ARL3: variants seen among roughly 807,000 people sequenced by gnomAD.
ARL3 encodes ADP-ribosylation factor-like protein 3.
In ARL3, 9 loss-of-function variants were observed where a neutral mutation model predicts 26.0. The observed-to-expected ratio is 0.35, with a 90% confidence interval of 0.21 to 0.60. The LOEUF is 0.60. ARL3 is among the 20% of genes least tolerant of loss of function. The pLI is 0.78. For synonymous variants in ARL3, 71 were observed against 78.4 expected, an observed-to-expected ratio of 0.91 and a Z score of 0.50; for missense variants, 158 against 215.7, an observed-to-expected ratio of 0.73 and a Z score of 1.67.
intron 1 of ARL3, among the ~76,000 whole-genome samples, chr10:102,714,051 G>C (rs527307397): frequency 1.3e-4 from 20 of 152,312 alleles, no homozygotes; most frequent in Admixed American, 1.2e-3. Context: ...CCCAAGCCTC[G>C]GACCCGCTGC....
chr10:102,709,646 C>T (rs1564734489), intron 1 of ARL3, among the ~76,000 whole-genome samples: 1 of 85,246 alleles, frequency 1.2e-5, no homozygotes, highest in Non-Finnish European at 2.2e-5. Flanking sequence ...GACTCTGTCT[C>T]AAAAAAAAAA....
chr10:102,711,715 C>T (rs981259512), intron 1 of ARL3, among the ~76,000 whole-genome samples: 2 of 151,798 alleles, frequency 1.3e-5, no homozygotes, highest in Non-Finnish European at 2.9e-5. Flanking sequence ...GGAGATCGCG[C>T]CACTGCACTC....
chr10:102,687,628 C>T (rs1223659288), intron 4 of ARL3, among the ~76,000 whole-genome samples: 1 of 151,964 alleles, frequency 6.6e-6, no homozygotes, highest in Middle Eastern at 3.2e-3. Context: ...GCAAAGGTTG[C>T]AGTGAGCTAA....
chr10:102,681,424 A>G (rs1322868460), intron 5 of ARL3, among the ~76,000 whole-genome samples: 1 of 151,250 alleles, frequency 6.6e-6, no homozygotes, highest in Non-Finnish European at 1.5e-5. Flanking sequence ...ATTCTGTGGC[A>G]TATTAGGGAC....
At position 102,676,114 on chromosome 10, in the gene ARL3, G is replaced by A. The variant is rs1243961674; in HGVS notation, c.*780C>T. The A allele has an allele frequency of 6.7e-6, 1 of 150,356 alleles. No homozygotes were observed. The highest frequency in any genetic ancestry group is 1.5e-5 in the Non-Finnish European group (1 of 67,590). 9.3% of individuals were successfully genotyped at this position (150,356 alleles called of 1,614,324 possible). A position where few individuals can be genotyped will look rare whatever the true frequency, so the allele number is the denominator to read the frequency against. On this transcript the variant is annotated 3_prime_UTR_variant, in exon 6 of 6. Transcript: ENST00000260746. ...TTTTTAAGGACCTTGTAATTTTTCTGGAATTAAACCTCCCACCTCTCCTTA... is the reference window on the plus strand; with the variant it reads ...TTTTTAAGGACCTTGTAATTTTTCTAGAATTAAACCTCCCACCTCTCCTTA...
intron 4 of ARL3, among the ~76,000 whole-genome samples, chr10:102,687,977 CA>C (rs1354891528): frequency 6.6e-6 from 1 of 152,056 alleles, no homozygotes; most frequent in Non-Finnish European, 1.5e-5. Context: ...CTGAAAATGA[CA>C]ATTACTTTAG....
chr10:102,680,683 C>T (rs988251139), intron 5 of ARL3, among the ~76,000 whole-genome samples: 2 of 152,060 alleles, frequency 1.3e-5, no homozygotes, highest in Admixed American at 6.6e-5. Context: ...CATCACTGCT[C>T]GGTAGCTGGA....
intron 5 of ARL3, among the ~76,000 whole-genome samples, chr10:102,677,930 T>C (rs760542280): frequency 1.3e-5 from 2 of 152,130 alleles, no homozygotes; most frequent in Admixed American, 6.6e-5. Context: ...GCCATGGATC[T>C]AGCTGCCGAA....
intron 5 of ARL3, among the ~76,000 whole-genome samples, chr10:102,681,279 C>G (rs2064154781): frequency 6.6e-6 from 1 of 151,604 alleles, no homozygotes; most frequent in African/African-American, 2.4e-5. Flanking sequence ...GTAATCCCAG[C>G]TACTCGGGAG....
At chr10:102,708,908 A>ATATATATATATATATATATAT in intron 1 of ARL3, among the ~76,000 whole-genome samples, 1 of 95,326 alleles carries the variant, frequency 1.0e-5, no homozygotes, top group African/African-American at 4.2e-5. Flanking sequence ...ATATATATAT[A>ATATATATATATATATATATAT]TTTTTTTTTT....
intron 4 of ARL3, among the ~76,000 whole-genome samples, chr10:102,689,320 C>T (rs1035517696): frequency 2.6e-5 from 4 of 151,930 alleles, no homozygotes; most frequent in South Asian, 2.1e-4. Flanking sequence ...AGTGAAACTC[C>T]GTTTTGGAGG....
intron 3 of ARL3, among the ~76,000 whole-genome samples, chr10:102,691,361 G>A (rs2064216405): frequency 1.4e-5 from 2 of 145,172 alleles, no homozygotes; most frequent in Non-Finnish European, 3.0e-5. Flanking sequence ...CTATGAGTGA[G>A]AATATGCGGT....
rs559827065 is a variant in ARL3, at chr10:102,705,226, T to C, written c.147+120A>G. On this transcript the variant is annotated intron_variant, in intron 2 of 5. Transcript: ENST00000260746. ...GAAATCTGGTTATCTTTAGATTGTA[T>C]AGACTTTTCTCAGAGACAAAACTTG... 1.2e-4 allele frequency: 153 copies of C among 1,245,176 alleles called. No individual in the cohort carries two copies. In the African/African-American group the frequency reaches 2.1e-3, roughly 17 times the overall value. 77.1% of individuals were successfully genotyped at this position (1,245,176 alleles called of 1,614,324 possible). A position where few individuals can be genotyped will look rare whatever the true frequency, so the allele number is the denominator to read the frequency against.
chr10:102,691,563 G>A (rs1341583120), intron 3 of ARL3, among the ~76,000 whole-genome samples: 1 of 152,082 alleles, frequency 6.6e-6, no homozygotes, highest in Non-Finnish European at 1.5e-5. Context: ...CACATGTTGT[G>A]AAACATTATT....
chr10:102,711,428 A>G (rs1045201622), intron 1 of ARL3, among the ~76,000 whole-genome samples: 1 of 151,806 alleles, frequency 6.6e-6, no homozygotes, highest in Non-Finnish European at 1.5e-5. Context: ...ATATATGTAT[A>G]TACATAACAC....
At chr10:102,708,906 A>ATTTTTT (rs1442987501) in intron 1 of ARL3, among the ~76,000 whole-genome samples, 6 of 100,184 alleles carry the variant, frequency 6.0e-5, no homozygotes, top group African/African-American at 1.9e-4. Flanking sequence ...ATATATATAT[A>ATTTTTT]TATTTTTTTT....
chr10:102,690,895 T>C (rs1349619504), intron 3 of ARL3, among the ~76,000 whole-genome samples: 1 of 151,324 alleles, frequency 6.6e-6, no homozygotes, highest in Non-Finnish European at 1.5e-5. Context: ...TCTTTTTTTT[T>C]TTTTTTTTTG....
intron 1 of ARL3, among the ~76,000 whole-genome samples, chr10:102,711,076 G>A (rs2064336363): frequency 6.6e-6 from 1 of 152,160 alleles, no homozygotes; most frequent in Non-Finnish European, 1.5e-5. Flanking sequence ...AAATATAACT[G>A]ACTTCCATTT....
At chr10:102,710,799 A>G (rs2064334545) in intron 1 of ARL3, among the ~76,000 whole-genome samples, 1 of 152,254 alleles carries the variant, frequency 6.6e-6, no homozygotes, top group Admixed American at 6.5e-5. Context: ...ACATTTAAAC[A>G]AACTTTTCTA....
Sources: gnomAD v4.1 joint callset for allele counts (sites outside exome capture counted in the v4.1 genomes callset) on GRCh38, gnomAD v4.1.1 for gene constraint, MANE v1.5 for transcripts, NCBI Gene and HGNC (gene_info 2026-07-23, HGNC 2026-07-21) for gene names.